SEMA3A: variants seen among roughly 807,000 people sequenced by gnomAD.
SEMA3A encodes semaphorin 3A.
A neutral mutation model predicts 97.9 loss-of-function variants in SEMA3A; 29 were observed. The ratio of observed to expected loss-of-function variants is 0.30; its 90% CI spans 0.22 to 0.40. The LOEUF is 0.40. SEMA3A is among the 10% of genes least tolerant of loss of function. The pLI is 1.00. For missense variants in SEMA3A, 763 were observed against 951.3 expected, an observed-to-expected ratio of 0.80 and a Z score of 2.60; for synonymous variants, 321 against 323.7, an observed-to-expected ratio of 0.99 and a Z score of 0.09.
chr7:84,007,625 G>T, intron 9 of SEMA3A, 128 bp from the exon 10 acceptor site: 1 of 847,836 alleles, frequency 1.2e-6, no homozygotes, highest in Non-Finnish European at 1.6e-6. Flanking sequence ...TAGCAATAAT[G>T]TTTGGGATTT....
intron 3 of SEMA3A, among the ~76,000 whole-genome samples, chr7:84,112,877 T>C (rs1310756629): frequency 6.6e-6 from 1 of 152,192 alleles, no homozygotes; most frequent in Non-Finnish European, 1.5e-5. Flanking sequence ...GGACCAAAGC[T>C]GTGAAACCTG....
chr7:84,049,320 T>C (rs189380318), intron 5 of SEMA3A, among the ~76,000 whole-genome samples: 2 of 152,202 alleles, frequency 1.3e-5, no homozygotes, highest in Admixed American at 6.6e-5. Context: ...GTCAGTAAAC[T>C]ATTTAGTTGC....
At chr7:84,120,013 G>A (rs999475358) in intron 3 of SEMA3A, among the ~76,000 whole-genome samples, 11 of 151,306 alleles carry the variant, frequency 7.3e-5, no homozygotes, top group African/African-American at 2.7e-4. Flanking sequence ...GAAATTTTCA[G>A]TAAAAAAGGA....
At chr7:84,250,941 G>A (rs984656117) in intron 3 of SEMA3A, among the ~76,000 whole-genome samples, 11 of 152,096 alleles carry the variant, frequency 7.2e-5, no homozygotes, top group South Asian at 4.1e-4. Flanking sequence ...CAAAGTATGC[G>A]TATGTCCAGC....
chr7:84,081,940 A>G (rs1794178483), intron 4 of SEMA3A, among the ~76,000 whole-genome samples: 2 of 152,156 alleles, frequency 1.3e-5, no homozygotes, highest in Non-Finnish European at 2.9e-5. Context: ...TACAATGTAT[A>G]TTTTTGAAGA....
chr7:84,072,501 A>G (rs565875501), intron 4 of SEMA3A, among the ~76,000 whole-genome samples: 16 of 152,280 alleles, frequency 1.1e-4, no homozygotes, highest in African/African-American at 3.6e-4. Context: ...TTTGTGAAAT[A>G]TAATTTTCTG....
intron 1 of SEMA3A, among the ~76,000 whole-genome samples, chr7:84,490,236 T>C (rs1806686537): frequency 6.7e-6 from 1 of 150,216 alleles, no homozygotes; most frequent in Non-Finnish European, 1.5e-5. Flanking sequence ...GGAAAGACTA[T>C]AACACCACCA....
At chr7:83,967,384 G>C (rs1380307740) in intron 15 of SEMA3A, among the ~76,000 whole-genome samples, 1 of 152,072 alleles carries the variant, frequency 6.6e-6, no homozygotes, top group Admixed American at 6.6e-5. Context: ...CCAGAAAAAA[G>C]TACGAACAGA....
intron 4 of SEMA3A, among the ~76,000 whole-genome samples, chr7:84,062,794 T>C (rs1474501794): frequency 6.6e-6 from 1 of 152,110 alleles, no homozygotes; most frequent in East Asian, 1.9e-4. Flanking sequence ...CGCTGATTGC[T>C]AGCACAGCAG....
intron 4 of SEMA3A, among the ~76,000 whole-genome samples, chr7:84,108,265 G>T (rs1303964361): frequency 6.6e-6 from 1 of 151,814 alleles, no homozygotes; most frequent in Non-Finnish European, 1.5e-5. Context: ...CCAAGCTGAG[G>T]TTGAATGCAA....
At chr7:83,996,718 C>A (rs1038054210) in intron 12 of SEMA3A, among the ~76,000 whole-genome samples, 3 of 152,080 alleles carry the variant, frequency 2.0e-5, no homozygotes, top group Non-Finnish European at 4.4e-5. Flanking sequence ...TGTTGAGAAT[C>A]ACATAATAAA....
At chr7:84,103,595 TAA>T (rs900256142) in intron 4 of SEMA3A, among the ~76,000 whole-genome samples, 10 of 152,116 alleles carry the variant, frequency 6.6e-5, no homozygotes, top group African/African-American at 1.9e-4. Flanking sequence ...AAATTCAGTC[TAA>T]GTTTGTTATG....
intron 2 of SEMA3A, among the ~76,000 whole-genome samples, chr7:84,345,272 C>T (rs973794166): frequency 6.6e-6 from 1 of 152,128 alleles, no homozygotes; most frequent in African/African-American, 2.4e-5. Flanking sequence ...TCATTTGAGC[C>T]TTAAGTGAAT....
intron 1 of SEMA3A, among the ~76,000 whole-genome samples, chr7:84,379,732 G>C (rs1175078990): frequency 6.6e-6 from 1 of 152,062 alleles, no homozygotes; most frequent in Non-Finnish European, 1.5e-5. Flanking sequence ...AAAGCTCTTT[G>C]TTCATCGAAA....
At chr7:84,360,610 A>G (rs1458906664) in intron 2 of SEMA3A, among the ~76,000 whole-genome samples, 2 of 152,016 alleles carry the variant, frequency 1.3e-5, no homozygotes, top group East Asian at 3.9e-4. Context: ...CTATTAGCAC[A>G]TTTTTTACTT....
At chr7:84,461,191 T>C (rs955820601) in intron 1 of SEMA3A, among the ~76,000 whole-genome samples, 2 of 152,142 alleles carry the variant, frequency 1.3e-5, no homozygotes, top group Non-Finnish European at 2.9e-5. Flanking sequence ...GTAAAATGAA[T>C]TGTCGATTAA....
chr7:84,282,584 A>C (rs1800466676), intron 3 of SEMA3A, among the ~76,000 whole-genome samples: 1 of 152,128 alleles, frequency 6.6e-6, no homozygotes, highest in Non-Finnish European at 1.5e-5. Flanking sequence ...TCTCTAAGTC[A>C]GTAGATAACG....
chr7:84,154,008 G>A (rs184406483), intron 1 of SEMA3A, among the ~76,000 whole-genome samples: 140 of 151,956 alleles, frequency 9.2e-4, no homozygotes, highest in Admixed American at 2.1e-3. Flanking sequence ...AATGAATTCA[G>A]GAGAACACTA....
At chr7:84,242,757 T>C (rs546065022) in intron 3 of SEMA3A, among the ~76,000 whole-genome samples, 93 of 152,280 alleles carry the variant, frequency 6.1e-4, no homozygotes, top group African/African-American at 2.0e-3. Context: ...TTCAGAATGA[T>C]ATGGGCTGTG....
Sources: allele counts gnomAD v4.1 joint callset (sites outside exome capture counted in the v4.1 genomes callset), GRCh38; gene constraint gnomAD v4.1.1; transcripts MANE v1.5; gene names NCBI Gene and HGNC (gene_info 2026-07-23, HGNC 2026-07-21).